AGAP3: variants seen among roughly 807,000 people sequenced by gnomAD.
AGAP3 encodes arf-GAP with GTPase, ANK repeat and PH domain-containing protein 3.
AGAP3 carries 24 observed loss-of-function variants against 96.9 expected under a neutral mutation model. The observed-to-expected ratio is 0.25, with a 90% CI of 0.18 to 0.35. The LOEUF (loss-of-function observed/expected upper bound fraction) is 0.35. Among genes scored for constraint, AGAP3 ranks in the 10% least tolerant of loss-of-function variants. The pLI is 1.00. For synonymous variants in AGAP3, 563 were observed against 536.1 expected (o/e 1.05, Z -0.69); for missense variants, 876 against 1,254.2 (o/e 0.70, Z 4.55).
intron 8 of AGAP3, among the ~76,000 whole-genome samples, chr7:151,122,139 C>T (rs1349793592): frequency 1.3e-5 from 2 of 152,234 alleles, no homozygotes; most frequent in Admixed American, 6.5e-5. Flanking sequence ...CCCCCCAAAC[C>T]GGCTCTTCTG....
Position 151,140,361 on chromosome 7 carries a change from T to C in AGAP3, c.1804+245T>C. On this transcript the variant is annotated intron_variant, in intron 13 of 17. Transcript: ENST00000397238. The surrounding 1 kb of genome is among the most constrained non-coding windows in gnomAD (Gnocchi z 5.4). ...GGGCTTACTTCATTTATTCTTAAGG[T>C]AAAAGACAGCAGACTGCTACATCAA... 5.6e-6 allele frequency: 2 copies of C among 358,648 alleles called. No individual in the cohort carries two copies. Among genetic ancestry groups the C allele is most frequent in the Non-Finnish European group, 9.7e-6 (2 of 205,858 alleles). The allele number at this position is 358,648 out of a possible 1,614,324, so 22.2% of individuals were successfully genotyped here. A position where few individuals can be genotyped will look rare whatever the true frequency, so the allele number is the denominator to read the frequency against.
chr7:151,142,204 C>T lies in AGAP3; in HGVS notation c.2001C>T (p.Ala667=), dbSNP rs377138397. The T allele has an allele frequency of 5.6e-6, 9 of 1,613,626 alleles. No individual in the cohort carries two copies. The highest frequency in any genetic ancestry group is 2.7e-5 in the African/African-American group (2 of 75,042). ...GNQNAALAVQ[A]VRTVRGNSFC... is the part of the protein sequence containing the mutation. Reference sequence around the variant, plus strand: ...AGAACGCAGCTCTGGCTGTGCAGGCCGTCCGCACCGTCCGCGGCAACAGCT... The same window carrying T: ...AGAACGCAGCTCTGGCTGTGCAGGCTGTCCGCACCGTCCGCGGCAACAGCT... Residue 667 remains alanine (A), a synonymous_variant, in exon 15 of 18, where the codon GCC becomes GCT. Coordinates refer to ENST00000397238, the MANE Select transcript of AGAP3 (RefSeq NM_031946.7). This position sits in a 1 kb window ranked among gnomAD's most constrained non-coding sequence, Gnocchi z 7.5.
chr7:151,110,014 G>T (rs903082923), intron 1 of AGAP3, among the ~76,000 whole-genome samples: 8 of 152,242 alleles, frequency 5.3e-5, no homozygotes, highest in African/African-American at 1.9e-4. Context: ...GGAGACCGTG[G>T]CTGGTCACCC....
intron 1 of AGAP3, among the ~76,000 whole-genome samples, chr7:151,088,667 G>A (rs966483686): frequency 6.6e-6 from 1 of 152,308 alleles, no homozygotes; most frequent in East Asian, 1.9e-4. Context: ...ATCTGCTTCC[G>A]AGCTTTTCCC....
chr7:151,112,396 C>CGTAT (rs372118031), intron 1 of AGAP3, among the ~76,000 whole-genome samples: 339 of 139,950 alleles, frequency 2.4e-3, no homozygotes, highest in African/African-American at 8.5e-3. Flanking sequence ...TTCCCCGAGA[C>CGTAT]GTGTGTGTGT....
At position 151,086,759 on chromosome 7, in the gene AGAP3, C is replaced by CG; in HGVS notation, c.24dup (p.Gln9AlafsTer121). On this transcript the variant is annotated frameshift_variant, in exon 1 of 18. Transcript: ENST00000397238. LOFTEE classifies it high-confidence loss of function. ...CCGAAGCCATGAACTTCCAGGCGGG[C>CG]GGGGGGCAGAGCCCGCAGCAGCAGC... 4.2e-6 allele frequency: 4 copies of CG among 957,142 alleles called. No individual in the cohort carries two copies. Among genetic ancestry groups the CG allele is most frequent in the Non-Finnish European group, 4.9e-6 (4 of 814,906 alleles). The allele number at this position is 957,142 out of a possible 1,614,324, so 59.3% of individuals were successfully genotyped here.
chr7:151,137,970 AC>A, intron 11 of AGAP3, 172 bp from the exon 12 acceptor site: 1 of 601,416 alleles, frequency 1.7e-6, no homozygotes, highest in South Asian at 2.0e-5. Context: ...CCTAAGGCAC[AC>A]AGGGTCCCTG....
intron 1 of AGAP3, among the ~76,000 whole-genome samples, chr7:151,095,883 G>A (rs1798586270): frequency 6.6e-6 from 1 of 151,564 alleles, no homozygotes; most frequent in Non-Finnish European, 1.5e-5. Flanking sequence ...GATGTGGAAT[G>A]AAGCCTGGCC....
At position 151,124,160 on chromosome 7, in the gene AGAP3, G is replaced by A. The variant is rs1800055474; in HGVS notation, c.1221+274G>A. 3.3e-5 allele frequency among the ~76,000 whole-genome samples: 5 copies of A among 152,352 alleles called. No individual in the cohort carries two copies. In the South Asian group the frequency reaches 8.3e-4, roughly 25 times the overall value. ...CCTGCCGTGTTCAGCCAGGCGCTCA[G>A]CCTGTCCCGCTGGTTCTGGAGTTGG... On this transcript the variant is annotated intron_variant, in intron 9 of 17. Coordinates refer to ENST00000397238, the MANE Select transcript of AGAP3 (RefSeq NM_031946.7).
In AGAP3 at chr7:151,128,701, G is replaced by T; in HGVS notation, c.1326+17G>T. 6.2e-7 allele frequency: 1 copy of T among 1,601,218 alleles called. No individual in the cohort carries two copies. Among genetic ancestry groups the T allele is most frequent in the Non-Finnish European group, 8.6e-7 (1 of 1,168,994 alleles). On this transcript the variant is annotated intron_variant, in intron 10 of 17. Coordinates refer to ENST00000397238, the MANE Select transcript of AGAP3 (RefSeq NM_031946.7). ...AGCCTGCATGTGAGTCTGGGAGGAG[G>T]AGCCTCCTGGGGGAGTATGGGGAGG...
Position 151,089,559 on chromosome 7 carries a change from C to T in AGAP3, c.331+2487C>T, listed in dbSNP as rs575916077. 3.9e-5 allele frequency among the ~76,000 whole-genome samples: 6 copies of T among 152,232 alleles called. No individual in the cohort carries two copies. In the South Asian group the frequency reaches 6.2e-4, roughly 16 times the overall value. On this transcript the variant is annotated intron_variant, in intron 1 of 17. Coordinates refer to ENST00000397238, the MANE Select transcript of AGAP3 (RefSeq NM_031946.7). ...AGCTCTGAAGGTGACGTGGGACCTGCGGTCAGGATCCATCTGGCTCTGAGG... is the reference window on the plus strand; with the variant it reads ...AGCTCTGAAGGTGACGTGGGACCTGTGGTCAGGATCCATCTGGCTCTGAGG...
At chr7:151,094,049 G>A (rs772865670) in intron 1 of AGAP3, among the ~76,000 whole-genome samples, 11 of 152,176 alleles carry the variant, frequency 7.2e-5, no homozygotes, top group Non-Finnish European at 1.5e-5. Flanking sequence ...CAGGAGCTGA[G>A]AATCAGAAGA....
In AGAP3 at chr7:151,133,434, C is replaced by A. The variant is rs907967248; in HGVS notation, c.1327-966C>A. The stretch of plus-strand genomic sequence containing the variant: ...CCAGGAAGCGGCAGGCTCCCACCCT[C>A]CCTCCCTGCACTCGGCCGTGGTGCT... On this transcript the variant is annotated intron_variant, in intron 10 of 17. Transcript: ENST00000397238. This position sits in a 1 kb window ranked among gnomAD's most constrained non-coding sequence, Gnocchi z 5.4. Among the ~76,000 whole-genome samples, 19 of 151,632 alleles carry A rather than the reference C, an allele frequency of 1.3e-4. No homozygotes were observed. Among genetic ancestry groups the A allele is most frequent in the African/African-American group, 4.6e-4 (19 of 41,450 alleles).
rs1316235494 is a variant in AGAP3, at chr7:151,099,089, AC to A, written c.331+12021del. 4.0e-5 allele frequency among the ~76,000 whole-genome samples: 6 copies of A among 150,784 alleles called. No homozygotes were observed. In the East Asian group the frequency reaches 8.0e-4, roughly 20 times the overall value. The stretch of plus-strand genomic sequence containing the variant: ...CTGGGCACGGTGGCTCACGCCTGTA[AC>A]CCCAGCACTTTGGGAGGCCGAGGCA... On this transcript the variant is annotated intron_variant, in intron 1 of 17. Transcript: ENST00000397238.
intron 1 of AGAP3, 178 bp downstream of exon 1, chr7:151,087,250 C>A: frequency 1.5e-6 from 1 of 675,762 alleles, no homozygotes; most frequent in Non-Finnish European, 2.5e-6. Context: ...TTCGCCATAT[C>A]TCGTTCGGGG....
rs1201115744 is a variant in AGAP3, at chr7:151,115,409, C to G, written c.332-1384C>G. 18 of 1,008,830 alleles carry G rather than the reference C, an allele frequency of 1.8e-5. No individual in the cohort carries two copies. In the African/African-American group the frequency reaches 2.6e-4, roughly 15 times the overall value. The allele number at this position is 1,008,830 out of a possible 1,614,324, so 62.5% of individuals were successfully genotyped here. A position where few individuals can be genotyped will look rare whatever the true frequency, so the allele number is the denominator to read the frequency against. On this transcript the variant is annotated intron_variant, in intron 1 of 17. Transcript: ENST00000397238. ...CAGGGCTGCTGGCCCGGCCGCCGCGCGCGCGCACCCGTAGCGACGGCGACG... is the reference window on the plus strand; with the variant it reads ...CAGGGCTGCTGGCCCGGCCGCCGCGGGCGCGCACCCGTAGCGACGGCGACG...
intron 9 of AGAP3, among the ~76,000 whole-genome samples, chr7:151,125,661 T>A (rs1800125537): frequency 6.6e-6 from 1 of 152,106 alleles, no homozygotes; most frequent in Non-Finnish European, 1.5e-5. Context: ...GCTTCCCCGC[T>A]GCCGCCGGTC....
At chr7:151,100,982 C>T (rs1469829242) in intron 1 of AGAP3, among the ~76,000 whole-genome samples, 1 of 152,240 alleles carries the variant, frequency 6.6e-6, no homozygotes, top group African/African-American at 2.4e-5. Context: ...CACCTGCAGC[C>T]CCCCATGGAG....
At chr7:151,121,007 C>T (rs1045109429) in intron 8 of AGAP3, 3 of 260,516 alleles carry the variant, frequency 1.2e-5, no homozygotes, top group Non-Finnish European at 1.9e-5. Context: ...GAGCGCCCGC[C>T]CCTCCGCGTC....
Sources: allele counts gnomAD v4.1 joint callset (sites outside exome capture counted in the v4.1 genomes callset), GRCh38; gene constraint gnomAD v4.1.1; non-coding constraint Gnocchi (gnomAD v3.1); transcripts MANE v1.5; gene names NCBI Gene and HGNC (gene_info 2026-07-23, HGNC 2026-07-21).